ATP2C2: variants seen among roughly 807,000 people sequenced by gnomAD.
ATP2C2 encodes ATPase secretory pathway Ca2+ transporting 2.
Under a neutral mutation model 110.8 loss-of-function variants are expected in ATP2C2, and 171 were observed. The observed-to-expected ratio is 1.54, with a 90% CI of 1.36 to 1.75. The LOEUF (loss-of-function observed/expected upper bound fraction) is 1.75. ATP2C2 is among the 40% of genes most tolerant of loss of function. The pLI is 0.00. For missense variants in ATP2C2, 1,963 were observed against 1,235.0 expected, an observed-to-expected ratio of 1.59 and a Z score of -8.84; for synonymous variants, 804 against 508.4, an observed-to-expected ratio of 1.58 and a Z score of -7.82.
intron 1 of ATP2C2, among the ~76,000 whole-genome samples, chr16:84,370,803 C>A (rs1406725306): frequency 6.6e-6 from 1 of 151,958 alleles, no homozygotes; most frequent in Non-Finnish European, 1.5e-5. Flanking sequence ...GCCTCTAAGC[C>A]CTCCCCTCCC....
intron 1 of ATP2C2, among the ~76,000 whole-genome samples, chr16:84,378,902 G>T (rs945175332): frequency 1.3e-5 from 2 of 152,134 alleles, no homozygotes; most frequent in African/African-American, 4.8e-5. Flanking sequence ...AGCTCTTGCT[G>T]TTTGGGGTTC....
At chr16:84,404,542 A>G (rs1389184414) in intron 2 of ATP2C2, 2 of 180,640 alleles carry the variant, frequency 1.1e-5, no homozygotes, top group African/African-American at 4.8e-5. Flanking sequence ...TTTCGTTCTC[A>G]GGCTAAATAG....
intron 1 of ATP2C2, among the ~76,000 whole-genome samples, chr16:84,373,690 G>A (rs1009786602): frequency 6.6e-6 from 1 of 152,112 alleles, no homozygotes; most frequent in African/African-American, 2.4e-5. Context: ...CTGCCTTAAA[G>A]GCTGCCCATT....
intron 14 of ATP2C2, 120 bp downstream of exon 14, chr16:84,441,078 G>C: frequency 2.3e-6 from 2 of 864,880 alleles, no homozygotes; most frequent in Admixed American, 4.2e-5. Flanking sequence ...GGCCCATCCA[G>C]GGGTGAGGCT....
At chr16:84,427,936 T>C (rs1327656126) in intron 11 of ATP2C2, among the ~76,000 whole-genome samples, 2 of 152,204 alleles carry the variant, frequency 1.3e-5, no homozygotes, top group Non-Finnish European at 2.9e-5. Context: ...GTGAATTTTA[T>C]TATATACAAA....
At chr16:84,376,834 C>T (rs552292986) in intron 1 of ATP2C2, among the ~76,000 whole-genome samples, 2 of 152,218 alleles carry the variant, frequency 1.3e-5, no homozygotes, top group Non-Finnish European at 2.9e-5. Context: ...AAGGCCAACA[C>T]CTGTCCTGCA....
intron 11 of ATP2C2, among the ~76,000 whole-genome samples, chr16:84,428,263 G>A (rs770306409): frequency 5.9e-5 from 9 of 152,230 alleles, no homozygotes; most frequent in Non-Finnish European, 1.2e-4. Flanking sequence ...CTGGTGCATA[G>A]TCAGGCTTGC....
intron 1 of ATP2C2, among the ~76,000 whole-genome samples, chr16:84,392,119 G>A (rs1904700805): frequency 6.6e-6 from 1 of 151,988 alleles, no homozygotes; most frequent in African/African-American, 2.4e-5. Flanking sequence ...ATAATGGAAT[G>A]AGCCCACATG....
chr16:84,397,537 C>T (rs1305595814), intron 1 of ATP2C2, among the ~76,000 whole-genome samples: 1 of 150,812 alleles, frequency 6.6e-6, no homozygotes, highest in Non-Finnish European at 1.5e-5. Flanking sequence ...TAGCCAGGCA[C>T]AATAGCATGC....
chr16:84,376,163 A>G (rs971223937), intron 1 of ATP2C2, among the ~76,000 whole-genome samples: 5 of 152,092 alleles, frequency 3.3e-5, no homozygotes, highest in African/African-American at 7.2e-5. Flanking sequence ...CAACACAGAG[A>G]TAAGTAGTTT....
At chr16:84,428,523 GTAA>G (rs1907986185) in intron 11 of ATP2C2, among the ~76,000 whole-genome samples, 1 of 152,074 alleles carries the variant, frequency 6.6e-6, no homozygotes, top group African/African-American at 2.4e-5. Flanking sequence ...CAAAATCTTA[GTAA>G]CACCAAATGC....
At chr16:84,426,478 G>C (rs1184004560) in intron 11 of ATP2C2, among the ~76,000 whole-genome samples, 1 of 152,054 alleles carries the variant, frequency 6.6e-6, no homozygotes, top group African/African-American at 2.4e-5. Flanking sequence ...GGGTCTTTCT[G>C]GCTAAGAGCA....
chr16:84,430,207 C>G (rs1908142028), intron 11 of ATP2C2, among the ~76,000 whole-genome samples: 1 of 152,094 alleles, frequency 6.6e-6, no homozygotes, highest in African/African-American at 2.4e-5. Flanking sequence ...GCAGCAGGCA[C>G]TGGGCTGCCG....
chr16:84,368,665 G>A lies in ATP2C2; in HGVS notation c.50G>A (p.Gly17Asp). ...SEFLKKLGFS[G>D]GGRQYQALEK... is the part of the protein sequence containing the mutation. ...TTCCTGAAGAAACTCGGCTTCTCGG[G>A]CGGGGGCCGCCAGTACCAGGCGCTG... The change falls in exon 1 of 27, where the codon GGC becomes GAC. Residue 17 changes from glycine (G) to aspartate (D), a missense_variant. By Grantham distance (94) the Gly-to-Asp change is moderately conservative (BLOSUM62 -1). Transcript: ENST00000262429. 1 of 1,565,688 alleles carries A rather than the reference G, an allele frequency of 6.4e-7. No homozygotes were observed. The highest frequency in any genetic ancestry group is 8.6e-7 in the Non-Finnish European group (1 of 1,157,472).
intron 11 of ATP2C2, among the ~76,000 whole-genome samples, chr16:84,428,675 G>C (rs1215073041): frequency 1.3e-5 from 2 of 152,042 alleles, no homozygotes; most frequent in Non-Finnish European, 2.9e-5. Flanking sequence ...TAAATTCTAA[G>C]TCATAATAAG....
rs1317099845 is a variant in ATP2C2 at position 84,464,122 on chromosome 16, G to A, written c.*390G>A. 2 of 163,346 alleles carry A rather than the reference G, an allele frequency of 1.2e-5. No homozygotes were observed. The highest frequency in any genetic ancestry group is 2.6e-5 in the Non-Finnish European group (2 of 75,574). 10.1% of individuals were successfully genotyped at this position (163,346 alleles called of 1,614,324 possible). A position where few individuals can be genotyped will look rare whatever the true frequency, so the allele number is the denominator to read the frequency against. On this transcript the variant is annotated 3_prime_UTR_variant, in exon 27 of 27. Transcript: ENST00000262429. Reference sequence around the variant, plus strand: ...TCACACTCTGCCCATTGCCCTCCTGGAGGCCCCATTTCCTCATCATAAAAT... The same window carrying A: ...TCACACTCTGCCCATTGCCCTCCTGAAGGCCCCATTTCCTCATCATAAAAT...
rs772042723 is a variant in ATP2C2 at position 84,460,768 on chromosome 16, C to A, written c.2448C>A (p.Ile816=). ...ILKILMSAAI[I]ISGTLFIFWK... ...AGATCCTCATGTCCGCGGCCATCAT[C>A]ATCAGCGGGACCCTCTTTATCTTCT... is the stretch of plus-strand genomic sequence containing the variant. The change falls in exon 24 of 27, where the codon ATC becomes ATA. Residue 816 remains isoleucine, a synonymous_variant. Transcript: ENST00000262429. The A allele has an allele frequency of 1.9e-6, 3 of 1,613,906 alleles. No homozygotes were observed. Among genetic ancestry groups the A allele is most frequent in the East Asian group, 4.5e-5 (2 of 44,890 alleles).
At chr16:84,439,065 C>T (rs1908996847) in intron 11 of ATP2C2, 101 bp from the exon 12 acceptor site, 1 of 1,527,996 alleles carries the variant, frequency 6.5e-7, no homozygotes, top group African/African-American at 1.4e-5. Context: ...ACTGGGGACA[C>T]CTAAGACAAG....
At position 84,425,697 on chromosome 16, in the gene ATP2C2, T is replaced by C. The variant is rs747315173; in HGVS notation, c.920-38T>C. 4.4e-6 allele frequency: 7 copies of C among 1,601,864 alleles called. No individual in the cohort carries two copies. In the South Asian group the frequency reaches 4.4e-5, roughly 10 times the overall value. On this transcript the variant is annotated intron_variant, in intron 10 of 26. Transcript: ENST00000262429. ...TCCCTCCAGGCATCAGCGTGTGTAG[T>C]GCATATGGAGATAAGGATGTTTTTG...
Sources: gnomAD v4.1 joint callset for allele counts (sites outside exome capture counted in the v4.1 genomes callset) on GRCh38, gnomAD v4.1.1 for gene constraint, MANE v1.5 for transcripts, NCBI Gene and HGNC (gene_info 2026-07-23, HGNC 2026-07-21) for gene names.